EPHA8: variants seen among roughly 807,000 people sequenced by gnomAD.
EPHA8 encodes ephrin type-A receptor 8.
Under a neutral mutation model 103.6 loss-of-function variants are expected in EPHA8, and 58 were observed. The observed-to-expected ratio is 0.56, with a 90% confidence interval of 0.45 to 0.70. EPHA8 has a LOEUF of 0.70. Among genes scored for constraint, EPHA8 ranks in the 30% least tolerant of loss-of-function variants. The pLI is 0.00. For synonymous variants in EPHA8, 559 were observed against 572.5 expected (o/e 0.98, Z 0.34); for missense variants, 1,304 against 1,395.2 (o/e 0.93, Z 1.04).
intron 1 of EPHA8, among the ~76,000 whole-genome samples, chr1:22,566,854 G>T (rs537464106): frequency 1.2e-3 from 177 of 152,288 alleles, no homozygotes; most frequent in African/African-American, 3.8e-3. Flanking sequence ...CCATTCAAGG[G>T]GACATGGATG....
rs541549269 is a variant in EPHA8 at position 22,576,888 on chromosome 1, C to T, written c.823+8C>T. The T allele has an allele frequency of 1.1e-5, 17 of 1,571,626 alleles. No homozygotes were observed. The highest frequency in any genetic ancestry group is 8.1e-5 in the African/African-American group (6 of 74,494). Reference sequence around the variant, plus strand: ...GGCGGGATGCCTGTGTGGGTGAGCGCGCCATGGCCTGGGCATGGGTCAGCC... The same window carrying T: ...GGCGGGATGCCTGTGTGGGTGAGCGTGCCATGGCCTGGGCATGGGTCAGCC... On this transcript the variant is annotated splice_region_variant and intron_variant, in intron 3 of 16. Transcript: ENST00000166244. The surrounding 1 kb of genome is among the most constrained non-coding windows in gnomAD (Gnocchi z 4.8).
chr1:22,564,520 G>A (rs1046499098), intron 1 of EPHA8, among the ~76,000 whole-genome samples: 1 of 151,962 alleles, frequency 6.6e-6, no homozygotes, highest in African/African-American at 2.4e-5. Flanking sequence ...GGATGGCAGG[G>A]TCACTCTGGG....
Position 22,601,593 on chromosome 1 carries a change from G to A in EPHA8, c.2904-34G>A, listed in dbSNP as rs377614748. The A allele has an allele frequency of 8.4e-4, 1,331 of 1,581,522 alleles. 24 individuals carry two copies. In the South Asian group the frequency reaches 0.014, roughly 17 times the overall value. ...TGCGTGCGCGGCTCCCAGCCTCCCA[G>A]GCCCAGCTGGCCAGCAGCACCCTTC... On this transcript the variant is annotated intron_variant, in intron 16 of 16. Transcript: ENST00000166244.
chr1:22,564,660 A>G (rs999208684), intron 1 of EPHA8, among the ~76,000 whole-genome samples: 2 of 152,004 alleles, frequency 1.3e-5, no homozygotes, highest in Non-Finnish European at 2.9e-5. Flanking sequence ...CCTGCCACCC[A>G]CACACCCGTT....
At chr1:22,565,161 A>G (rs1640322382) in intron 1 of EPHA8, among the ~76,000 whole-genome samples, 1 of 152,234 alleles carries the variant, frequency 6.6e-6, no homozygotes, top group African/African-American at 2.4e-5. Flanking sequence ...CTCTGTGTCT[A>G]CATATATACA....
Position 22,593,602 on chromosome 1 carries a change from C to CGCT in EPHA8, c.1520_1522dup (p.Arg507_Tyr508insCys). 1 of 1,611,366 alleles carries CGCT rather than the reference C, an allele frequency of 6.2e-7. No homozygotes were observed. Among genetic ancestry groups the CGCT allele is most frequent in the Non-Finnish European group, 8.5e-7 (1 of 1,179,274 alleles). On this transcript the variant is annotated inframe_insertion, in exon 7 of 17. Coordinates refer to ENST00000166244, the MANE Select transcript of EPHA8 (RefSeq NM_020526.5). ...CGTCTCCGGCCTCAAGCCGGGCACC[C>CGCT]GCTACGTGTTCCAGGTCCGAGCCCG...
intron 1 of EPHA8, among the ~76,000 whole-genome samples, chr1:22,568,636 T>G (rs1198574499): frequency 2.6e-5 from 4 of 152,240 alleles, no homozygotes; most frequent in Admixed American, 2.6e-4. Context: ...TGGCACATAG[T>G]GGGTGCCCAC....
Position 22,576,086 on chromosome 1 carries a change from T to C in EPHA8, c.160-131T>C, listed in dbSNP as rs1640681663. On this transcript the variant is annotated intron_variant, in intron 2 of 16. Transcript: ENST00000166244. The surrounding 1 kb of genome is among the most constrained non-coding windows in gnomAD (Gnocchi z 4.8). ...TCATGTCTGCAGGGGGCCTGGCATCTAGTAGCCACCAGGAGGCCAGCTCCT... is the reference window on the plus strand; with the variant it reads ...TCATGTCTGCAGGGGGCCTGGCATCCAGTAGCCACCAGGAGGCCAGCTCCT... 1.9e-6 allele frequency: 2 copies of C among 1,033,254 alleles called. No individual in the cohort carries two copies. The highest frequency in any genetic ancestry group is 2.9e-6 in the Non-Finnish European group (2 of 700,860). 64.0% of individuals were successfully genotyped at this position (1,033,254 alleles called of 1,614,324 possible). A position where few individuals can be genotyped will look rare whatever the true frequency, so the allele number is the denominator to read the frequency against.
rs1641540280 is a variant in EPHA8, at chr1:22,597,171, G to A, written c.1766-141G>A. The A allele has an allele frequency of 1.6e-6, 1 of 630,990 alleles. No individual in the cohort carries two copies. Among genetic ancestry groups the A allele is most frequent in the South Asian group, 2.7e-5 (1 of 36,404 alleles). The allele number at this position is 630,990 out of a possible 1,614,324, so 39.1% of individuals were successfully genotyped here. ...CACTTTCACTTGGGAAATACTTATGGGGTGCGTGTTGTTTGCTACCACATC... is the reference window on the plus strand; with the variant it reads ...CACTTTCACTTGGGAAATACTTATGAGGTGCGTGTTGTTTGCTACCACATC... On this transcript the variant is annotated intron_variant, in intron 9 of 16. Transcript: ENST00000166244. This position sits in a 1 kb window ranked among gnomAD's most constrained non-coding sequence, Gnocchi z 4.6.
rs1353049777 is a variant in EPHA8 at position 22,601,022 on chromosome 1, T to C, written c.2663T>C (p.Ile888Thr). Residue 888 changes from isoleucine to threonine, a missense_variant, in exon 15 of 17, where the codon ATT (isoleucine) becomes ACT (threonine). Coordinates refer to ENST00000166244, the MANE Select transcript of EPHA8 (RefSeq NM_020526.5). ...GCGCAGCGGCCTCGCTTCTCCCAGA[T>C]TGTCAGTGTCCTCGATGCGCTCATC... is the stretch of plus-strand genomic sequence containing the variant. ...DRAQRPRFSQ[I>T]VSVLDALIRS... 1 of 1,612,890 alleles carries C rather than the reference T, an allele frequency of 6.2e-7. No individual in the cohort carries two copies. Among genetic ancestry groups the C allele is most frequent in the South Asian group, 1.1e-5 (1 of 91,080 alleles).
chr1:22,593,231 T>C, intron 5 of EPHA8, 95 bp from the exon 6 acceptor site: 1 of 1,492,606 alleles, frequency 6.7e-7, no homozygotes, highest in Non-Finnish European at 9.0e-7. Context: ...TGAGCAGGGC[T>C]GGAACCAGGA....
chr1:22,578,068 AGTAT>A (rs1221850713), intron 3 of EPHA8, among the ~76,000 whole-genome samples: 11 of 19,530 alleles, frequency 5.6e-4, no homozygotes, highest in Admixed American at 1.3e-3. Flanking sequence ...TGTGTGCATG[AGTAT>A]GTATGCATGT....
rs966340657 is a variant in EPHA8 at position 22,587,262 on chromosome 1, A to G, written c.979+627A>G. Among the ~76,000 whole-genome samples the G allele has an allele frequency of 1.6e-4, 25 of 152,336 alleles. No homozygotes were observed. In the East Asian group the frequency reaches 4.6e-3, roughly 28 times the overall value. ...GTGTGACGTGTAGTTGAGCTCACATATATAAAGGATTCGTCACATATATTA... is the reference window on the plus strand; with the variant it reads ...GTGTGACGTGTAGTTGAGCTCACATGTATAAAGGATTCGTCACATATATTA... On this transcript the variant is annotated intron_variant, in intron 4 of 16. Transcript: ENST00000166244.
intron 5 of EPHA8, among the ~76,000 whole-genome samples, chr1:22,590,671 G>A (rs1185366094): frequency 1.3e-5 from 2 of 152,054 alleles, no homozygotes; most frequent in Admixed American, 1.3e-4. Context: ...GGGTCCCTGG[G>A]AATGTCCTGG....
rs771071426 is a variant in EPHA8 at position 22,600,992 on chromosome 1, A to G, written c.2633A>G (p.Asp878Gly). Residue 878 changes from aspartate to glycine, a missense_variant, in exon 15 of 17, where the codon GAC becomes GGC. Coordinates refer to ENST00000166244, the MANE Select transcript of EPHA8 (RefSeq NM_020526.5). The part of the protein sequence containing the change: ...HQLMLDCWHK[D>G]RAQRPRFSQI... ...CTCATGCTCGACTGTTGGCACAAGGACCGGGCGCAGCGGCCTCGCTTCTCC... is the reference window on the plus strand; with the variant it reads ...CTCATGCTCGACTGTTGGCACAAGGGCCGGGCGCAGCGGCCTCGCTTCTCC... 1 of 1,612,918 alleles carries G rather than the reference A, an allele frequency of 6.2e-7. No individual in the cohort carries two copies. The highest frequency in any genetic ancestry group is 1.1e-5 in the South Asian group (1 of 91,070).
At chr1:22,578,831 GTGTGTATATGCA>G (rs1036264728) in intron 3 of EPHA8, among the ~76,000 whole-genome samples, 1 of 146,078 alleles carries the variant, frequency 6.8e-6, no homozygotes, top group African/African-American at 2.5e-5. Flanking sequence ...GTGCATGCCT[GTGTGTATATGCA>G]TGTGTGCATG....
intron 4 of EPHA8, among the ~76,000 whole-genome samples, chr1:22,588,231 C>A (rs1419426722): frequency 6.6e-6 from 1 of 152,166 alleles, no homozygotes; most frequent in Non-Finnish European, 1.5e-5. Flanking sequence ...GACCCCCATG[C>A]CCTCTTGGCT....
intron 5 of EPHA8, among the ~76,000 whole-genome samples, chr1:22,592,559 CCTA>C (rs1641401426): frequency 6.6e-6 from 1 of 152,210 alleles, no homozygotes; most frequent in South Asian, 2.1e-4. Context: ...TTATTGGGCA[CCTA>C]CTGTGTGCAG....
intron 2 of EPHA8, among the ~76,000 whole-genome samples, chr1:22,571,207 C>T (rs1309166753): frequency 1.3e-5 from 2 of 152,086 alleles, no homozygotes; most frequent in African/African-American, 2.4e-5. Context: ...TCATGCGGGG[C>T]GCTATAATGC....
Sources: gnomAD v4.1 joint callset for allele counts (sites outside exome capture counted in the v4.1 genomes callset) on GRCh38, gnomAD v4.1.1 for gene constraint, Gnocchi (gnomAD v3.1) non-coding constraint, MANE v1.5 for transcripts, NCBI Gene and HGNC (gene_info 2026-07-23, HGNC 2026-07-21) for gene names.